GRID2: variants seen among roughly 807,000 people sequenced by gnomAD.
GRID2 encodes glutamate ionotropic receptor delta type subunit 2.
Under a neutral mutation model 114.8 loss-of-function variants are expected in GRID2, and 33 were observed. The ratio of observed to expected loss-of-function variants is 0.29; its 90% CI spans 0.22 to 0.38. GRID2 has a LOEUF of 0.38. GRID2 is among the 10% of genes least tolerant of loss of function. The pLI is 1.00. For synonymous variants in GRID2, 505 were observed against 449.9 expected (o/e 1.12, Z -1.55); for missense variants, 1,184 against 1,257.7 (o/e 0.94, Z 0.89).
intron 13 of GRID2, among the ~76,000 whole-genome samples, chr4:93,548,863 C>T (rs1229267282): frequency 6.6e-6 from 1 of 151,986 alleles, no homozygotes; most frequent in South Asian, 2.1e-4. Flanking sequence ...TTCTTAATAA[C>T]CTTTGCCATG....
chr4:92,317,242 C>G (rs1207767518), intron 1 of GRID2, among the ~76,000 whole-genome samples: 1 of 152,104 alleles, frequency 6.6e-6, no homozygotes, highest in East Asian at 1.9e-4. Flanking sequence ...AGTTTTATGA[C>G]ATTTGACATT....
At chr4:93,491,131 G>T (rs1160781253) in intron 12 of GRID2, among the ~76,000 whole-genome samples, 1 of 151,904 alleles carries the variant, frequency 6.6e-6, no homozygotes, top group East Asian at 1.9e-4. Context: ...GGAAATCTTT[G>T]CCTTGAGTCT....
intron 8 of GRID2, among the ~76,000 whole-genome samples, chr4:93,367,490 T>A (rs1409018311): frequency 6.6e-6 from 1 of 152,186 alleles, no homozygotes; most frequent in Non-Finnish European, 1.5e-5. Context: ...AACATTATTG[T>A]GAAAATTACC....
intron 1 of GRID2, among the ~76,000 whole-genome samples, chr4:92,564,368 G>T (rs543389876): frequency 1.3e-5 from 2 of 152,100 alleles, no homozygotes; most frequent in Admixed American, 1.3e-4. Flanking sequence ...TGTTGCCCCT[G>T]AGGGATAAAA....
At chr4:93,509,066 G>A (rs778936141) in intron 12 of GRID2, among the ~76,000 whole-genome samples, 2 of 152,188 alleles carry the variant, frequency 1.3e-5, no homozygotes, top group Admixed American at 1.3e-4. Context: ...GAAGGCTAAG[G>A]AGTTTAAACT....
intron 8 of GRID2, among the ~76,000 whole-genome samples, chr4:93,389,298 G>A (rs980482073): frequency 1.3e-5 from 2 of 152,182 alleles, no homozygotes; most frequent in East Asian, 3.9e-4. Flanking sequence ...ATAATTAAAT[G>A]CTAAAATATT....
chr4:92,965,450 T>TGAAAAAAAAA lies in GRID2; in HGVS notation c.245-119545_245-119544insGAAAAAAAAA, dbSNP rs1393372287. 5.8e-5 allele frequency among the ~76,000 whole-genome samples: 5 copies of TGAAAAAAAAA among 85,778 alleles called. No individual in the cohort carries two copies. The East Asian group carries it at 1.5e-3, about 26-fold the overall frequency. 56.3% of individuals were successfully genotyped at this position (85,778 alleles called of 152,430 possible). Reference sequence around the variant, plus strand: ...AGGGTTGCCATAAACATTCAATTTGTAAAAAAAAAAAAAAAAAAAAAAAAA... The same window carrying TGAAAAAAAAA: ...AGGGTTGCCATAAACATTCAATTTGTGAAAAAAAAAAAAAAAAAAAAAAAAAAAAAAAAAA... On this transcript the variant is annotated intron_variant, in intron 2 of 15. Coordinates refer to ENST00000282020, the MANE Select transcript of GRID2 (RefSeq NM_001510.4).
At chr4:93,123,798 A>G (rs1734009188) in intron 4 of GRID2, among the ~76,000 whole-genome samples, 1 of 152,206 alleles carries the variant, frequency 6.6e-6, no homozygotes, top group Non-Finnish European at 1.5e-5. Flanking sequence ...TGACCATTTC[A>G]AAAATTCTTA....
At chr4:93,404,057 A>G (rs965196753) in intron 9 of GRID2, among the ~76,000 whole-genome samples, 4 of 152,170 alleles carry the variant, frequency 2.6e-5, no homozygotes, top group African/African-American at 9.6e-5. Flanking sequence ...ATGAAATTAC[A>G]TGTTGATAAC....
chr4:92,581,592 G>T (rs1728188283), intron 1 of GRID2, among the ~76,000 whole-genome samples: 1 of 152,058 alleles, frequency 6.6e-6, no homozygotes, highest in African/African-American at 2.4e-5. Context: ...AAAGGGTCTT[G>T]TGTTAGAATG....
chr4:93,375,195 G>T (rs1206863906), intron 8 of GRID2, among the ~76,000 whole-genome samples: 1 of 150,932 alleles, frequency 6.6e-6, no homozygotes, highest in Non-Finnish European at 1.5e-5. Flanking sequence ...ACCCTCCATG[G>T]GAGTTTTTCT....
At position 93,774,145 on chromosome 4, in the gene GRID2, T is replaced by C. The variant is rs1018348737; in HGVS notation, c.*1647T>C. ...ATATTATATTTTGATGCTAATTCTG[T>C]TCTGGGGAGCATCTTGTATTGTCAC... On this transcript the variant is annotated 3_prime_UTR_variant, in exon 16 of 16. Transcript: ENST00000282020. 6.6e-6 allele frequency: 1 copy of C among 152,126 alleles called. No homozygotes were observed. Among genetic ancestry groups the C allele is most frequent in the African/African-American group, 2.4e-5 (1 of 41,456 alleles). 9.4% of individuals were successfully genotyped at this position (152,126 alleles called of 1,614,324 possible).
intron 14 of GRID2, among the ~76,000 whole-genome samples, chr4:93,654,983 T>G (rs1328694625): frequency 2.6e-5 from 4 of 152,316 alleles, no homozygotes; most frequent in Middle Eastern, 3.4e-3. Flanking sequence ...TCCTTTATCA[T>G]TCTTGATAAA....
chr4:93,693,754 G>A (rs1005020820), intron 14 of GRID2, among the ~76,000 whole-genome samples: 8 of 152,038 alleles, frequency 5.3e-5, no homozygotes, highest in African/African-American at 1.9e-4. Flanking sequence ...ATTTCATTGT[G>A]TGAGAACACA....
intron 8 of GRID2, among the ~76,000 whole-genome samples, chr4:93,355,577 A>C (rs2149267097): frequency 6.6e-6 from 1 of 152,164 alleles, no homozygotes; most frequent in South Asian, 2.1e-4. Flanking sequence ...CATTTCTGCT[A>C]TGTCCTCTTA....
At chr4:93,170,497 T>C (rs1028404201) in intron 4 of GRID2, among the ~76,000 whole-genome samples, 1 of 152,154 alleles carries the variant, frequency 6.6e-6, no homozygotes, top group Non-Finnish European at 1.5e-5. Flanking sequence ...CGGATGTGTG[T>C]TTCATTCTTA....
intron 2 of GRID2, among the ~76,000 whole-genome samples, chr4:92,645,579 T>C (rs1314442447): frequency 6.6e-6 from 1 of 151,722 alleles, no homozygotes; most frequent in Non-Finnish European, 1.5e-5. Context: ...CCTGAGTAAG[T>C]AATATCCAGA....
chr4:92,411,573 C>G (rs1731301859), intron 1 of GRID2, among the ~76,000 whole-genome samples: 1 of 149,494 alleles, frequency 6.7e-6, no homozygotes, highest in Non-Finnish European at 1.5e-5. Flanking sequence ...TCAAGCCTCT[C>G]TGTATCAAGA....
intron 2 of GRID2, among the ~76,000 whole-genome samples, chr4:92,923,133 G>C (rs1287514397): frequency 6.6e-6 from 1 of 152,116 alleles, no homozygotes; most frequent in East Asian, 1.9e-4. Flanking sequence ...AAATGCAATA[G>C]TGTTATATAA....
Sources: gnomAD v4.1 joint callset for allele counts (sites outside exome capture counted in the v4.1 genomes callset) on GRCh38, gnomAD v4.1.1 for gene constraint, MANE v1.5 for transcripts, NCBI Gene and HGNC (gene_info 2026-07-23, HGNC 2026-07-21) for gene names.